Variants in PCDH15 observed in about 807,000 individuals in gnomAD.
PCDH15 encodes protocadherin-15.
In PCDH15, 129 loss-of-function variants were observed where a neutral mutation model predicts 178.5. The ratio of observed to expected loss-of-function variants is 0.72; its 90% CI spans 0.63 to 0.84. The LOEUF is 0.84. PCDH15 is among the 40% of genes least tolerant of loss of function. The pLI is 0.00. For synonymous variants in PCDH15, 800 were observed against 732.0 expected, an observed-to-expected ratio of 1.09 and a Z score of -1.50; for missense variants, 2,230 against 2,099.9, an observed-to-expected ratio of 1.06 and a Z score of -1.21.
chr10:53,932,650 C>T (rs761112216), intron 25 of PCDH15, among the ~76,000 whole-genome samples: 42 of 152,132 alleles, frequency 2.8e-4, no homozygotes, highest in Non-Finnish European at 4.9e-4. Flanking sequence ...AAGGAATACT[C>T]ATACAAAGTC....
At chr10:55,288,225 G>A (rs1017057371) in intron 1 of PCDH15, among the ~76,000 whole-genome samples, 6 of 150,300 alleles carry the variant, frequency 4.0e-5, no homozygotes, top group Non-Finnish European at 7.4e-5. Context: ...AAAAAAATTG[G>A]GAGAAAAATA....
At chr10:55,214,371 A>G (rs531391699) in intron 1 of PCDH15, among the ~76,000 whole-genome samples, 1 of 151,954 alleles carries the variant, frequency 6.6e-6, no homozygotes, top group South Asian at 2.1e-4. Flanking sequence ...CAATCATGAT[A>G]TATTTATTTA....
At chr10:53,840,627 A>T in intron 28 of PCDH15, 131 bp from the exon 29 acceptor site, 1 of 835,428 alleles carries the variant, frequency 1.2e-6, no homozygotes. Context: ...ATGTTTACTG[A>T]ATATAAACCC....
At chr10:54,606,216 G>A (rs1046138169) in intron 2 of PCDH15, 1 of 152,136 alleles carries the variant, frequency 6.6e-6, no homozygotes, top group African/African-American at 2.4e-5. Flanking sequence ...AGGTGAAGTG[G>A]AGGAGATATG....
intron 2 of PCDH15, among the ~76,000 whole-genome samples, chr10:55,064,369 T>C (rs759057405): frequency 6.6e-6 from 1 of 152,144 alleles, no homozygotes; most frequent in Non-Finnish European, 1.5e-5. Context: ...AAATGCAAAG[T>C]CTGCTGCTAC....
At position 54,840,131 on chromosome 10, in the gene PCDH15, A is replaced by G. The variant is rs2133760169; in HGVS notation, c.-29+57319T>C. Reference sequence around the variant, plus strand: ...ATGAAAGTTTCAAACTCACTGGTATAGTTAAATAGACAGGCAAATTCAGAA... The same window carrying G: ...ATGAAAGTTTCAAACTCACTGGTATGGTTAAATAGACAGGCAAATTCAGAA... On this transcript the variant is annotated intron_variant, in intron 3 of 5. Transcript: ENST00000458638. 2.6e-5 allele frequency among the ~76,000 whole-genome samples: 4 copies of G among 152,198 alleles called. No homozygotes were observed. The Middle Eastern group carries it at 0.01, about 388-fold the overall frequency.
In PCDH15 at chr10:53,827,503, T is replaced by A; in HGVS notation, c.4257A>T (p.Leu1419Phe). 1 of 1,614,072 alleles carries A rather than the reference T, an allele frequency of 6.2e-7. No individual in the cohort carries two copies. Among genetic ancestry groups the A allele is most frequent in the East Asian group, 2.2e-5 (1 of 44,862 alleles). Residue 1419 changes from leucine to phenylalanine, a missense_variant, in exon 32 of 38, where the codon TTA becomes TTT. Physicochemically the swap from Leu to Phe is conservative, Grantham distance 22. Transcript: ENST00000644397. ...CTKTARIQAA[L>F]PAAKPAVPAP... is the part of the protein sequence containing the mutation. ...CCGGCACTGCTGGTTTAGCCGCGGG[T>A]AATGCGGCCTGAATTCGTGCAGTCT...
At chr10:55,409,803 G>T (rs1375589802) in intron 2 of PCDH15, among the ~76,000 whole-genome samples, 2 of 152,058 alleles carry the variant, frequency 1.3e-5, no homozygotes, top group South Asian at 2.1e-4. Context: ...GTACTAATTT[G>T]CCCTTGAGAA....
At chr10:55,259,670 C>T (rs1592028704) in intron 1 of PCDH15, among the ~76,000 whole-genome samples, 2 of 152,098 alleles carry the variant, frequency 1.3e-5, no homozygotes, top group South Asian at 4.2e-4. Context: ...CTTTGGGAGG[C>T]TGAGGTGGGC....
chr10:53,959,758 G>T lies in PCDH15; in HGVS notation c.3096C>A (p.Ile1032=), dbSNP rs370200250. 10 of 1,613,564 alleles carry T rather than the reference G, an allele frequency of 6.2e-6. No individual in the cohort carries two copies. Among genetic ancestry groups the T allele is most frequent in the South Asian group, 1.1e-5 (1 of 91,072 alleles). Residue 1032 remains isoleucine (I), a synonymous_variant, in exon 23 of 38, where the codon ATC becomes ATA. Coordinates refer to ENST00000644397, the MANE Select transcript of PCDH15 (RefSeq NM_001384140.1). ...TATATTCCTCCTGTGTGAAGCGTGGGATCTCACCAGGATGTAAGACAAGAA... is the reference window on the plus strand; with the variant it reads ...TATATTCCTCCTGTGTGAAGCGTGGTATCTCACCAGGATGTAAGACAAGAA... ...VKILVLHPGE[I]PRFTQEEYRP...
At chr10:53,908,806 A>C (rs146158273) in intron 25 of PCDH15, among the ~76,000 whole-genome samples, 3 of 152,232 alleles carry the variant, frequency 2.0e-5, no homozygotes, top group African/African-American at 7.2e-5. Flanking sequence ...AATGATTTAT[A>C]GATTCTTCAA....
chr10:54,020,858 T>C (rs2092900484), intron 19 of PCDH15, among the ~76,000 whole-genome samples: 1 of 152,090 alleles, frequency 6.6e-6, no homozygotes, highest in Admixed American at 6.6e-5. Context: ...TACTGAGTGA[T>C]TTCCATAAAC....
chr10:53,929,275 T>C (rs2084833938), intron 25 of PCDH15, among the ~76,000 whole-genome samples: 1 of 152,092 alleles, frequency 6.6e-6, no homozygotes, highest in Non-Finnish European at 1.5e-5. Flanking sequence ...GGACAGACAA[T>C]TTTATGCTAT....
chr10:53,888,304 A>ACG (rs1554845196), intron 26 of PCDH15, among the ~76,000 whole-genome samples: 3 of 88,976 alleles, frequency 3.4e-5, no homozygotes, highest in African/African-American at 1.7e-4. Context: ...ATATATATAT[A>ACG]TATATGTATA....
intron 20 of PCDH15, among the ~76,000 whole-genome samples, chr10:54,012,234 T>C (rs1006254390): frequency 2.6e-5 from 4 of 151,628 alleles, no homozygotes; most frequent in Non-Finnish European, 5.9e-5. Flanking sequence ...AGGACAAAAG[T>C]AATAATTAAA....
At chr10:54,379,733 C>G (rs114457100) in intron 3 of PCDH15, among the ~76,000 whole-genome samples, 1 of 151,990 alleles carries the variant, frequency 6.6e-6, no homozygotes, top group African/African-American at 2.4e-5. Flanking sequence ...TTTTCCCTCA[C>G]GCAGCAATGA....
chr10:55,498,521 A>T (rs1210945825), intron 2 of PCDH15, among the ~76,000 whole-genome samples: 1 of 151,908 alleles, frequency 6.6e-6, no homozygotes, highest in Non-Finnish European at 1.5e-5. Context: ...CATGTGTCTG[A>T]TATCTCCTGA....
intron 2 of PCDH15, among the ~76,000 whole-genome samples, chr10:55,623,133 G>T (rs1375795367): frequency 6.6e-6 from 1 of 151,924 alleles, no homozygotes; most frequent in Non-Finnish European, 1.5e-5. Context: ...TAACGTTAAT[G>T]TCCTATTCTC....
chr10:55,096,013 T>C (rs1842441894), intron 2 of PCDH15, among the ~76,000 whole-genome samples: 1 of 152,052 alleles, frequency 6.6e-6, no homozygotes, highest in African/African-American at 2.4e-5. Context: ...TATCTGAAAA[T>C]CAATGTGTGT....
Sources: allele counts gnomAD v4.1 joint callset (sites outside exome capture counted in the v4.1 genomes callset), GRCh38; gene constraint gnomAD v4.1.1; transcripts MANE v1.5; gene names NCBI Gene and HGNC (gene_info 2026-07-23, HGNC 2026-07-21).